Variants in MACROD1 observed in about 807,000 individuals in gnomAD.
The protein encoded by MACROD1 is ADP-ribose glycohydrolase MACROD1.
In MACROD1, 31 loss-of-function variants were observed where a neutral mutation model predicts 41.4. The ratio of observed to expected loss-of-function variants is 0.75; its 90% CI spans 0.56 to 1.01. The LOEUF (loss-of-function observed/expected upper bound fraction) is 1.01, where lower values mean the gene tolerates loss of function less well. MACROD1 is among the 50% of genes least tolerant of loss of function. The pLI is 0.00. For missense variants in MACROD1, 473 were observed against 460.0 expected, an observed-to-expected ratio of 1.03 and a Z score of -0.26; for synonymous variants, 252 against 203.4, an observed-to-expected ratio of 1.24 and a Z score of -2.03.
intron 3 of MACROD1, among the ~76,000 whole-genome samples, chr11:64,114,432 A>ATGG (rs1944933488): frequency 8.9e-6 from 1 of 112,222 alleles, no homozygotes; most frequent in African/African-American, 3.0e-5. Flanking sequence ...GGGATGGTTG[A>ATGG]ATGGATGGAT....
At chr11:64,100,512 G>A (rs1388393591) in intron 3 of MACROD1, among the ~76,000 whole-genome samples, 3 of 152,212 alleles carry the variant, frequency 2.0e-5, no homozygotes, top group East Asian at 1.9e-4. Context: ...AACTTCACAC[G>A]GCATGGTCTC....
Position 64,082,195 on chromosome 11 carries a change from C to T in MACROD1, c.518-66914G>A, listed in dbSNP as rs375053402. ...AGCAGGCCAGAGCCAGGAGCAGGCGCGAAACATCCCTTAAATATTGGTGCT... is the reference window on the plus strand; with the variant it reads ...AGCAGGCCAGAGCCAGGAGCAGGCGTGAAACATCCCTTAAATATTGGTGCT... On this transcript the variant is annotated intron_variant, in intron 3 of 10. Coordinates refer to ENST00000255681, the MANE Select transcript of MACROD1 (RefSeq NM_014067.4). The surrounding 1 kb of genome is among the most constrained non-coding windows in gnomAD (Gnocchi z 4.5). 6.6e-6 allele frequency among the ~76,000 whole-genome samples: 1 copy of T among 152,028 alleles called. No individual in the cohort carries two copies. The highest frequency in any genetic ancestry group is 1.5e-5 in the Non-Finnish European group (1 of 68,000).
intron 1 of MACROD1, among the ~76,000 whole-genome samples, chr11:64,160,755 G>A (rs903754288): frequency 6.6e-6 from 1 of 150,880 alleles, no homozygotes; most frequent in Non-Finnish European, 1.5e-5. Context: ...GTTGGAGGCT[G>A]CAGTGAGCTG....
Position 64,154,745 on chromosome 11 carries a change from G to A in MACROD1, c.299-2352C>T, listed in dbSNP as rs188010869. Among the ~76,000 whole-genome samples, 47 of 152,076 alleles carry A rather than the reference G, an allele frequency of 3.1e-4. No individual in the cohort carries two copies. The East Asian group carries it at 8.9e-3, about 29-fold the overall frequency. ...TATTCTTTTATTTTTTTTTGAGACG[G>A]AGTCTCACTCTGTCGCCCAGGCTGG... On this transcript the variant is annotated intron_variant, in intron 1 of 10. Coordinates refer to ENST00000255681, the MANE Select transcript of MACROD1 (RefSeq NM_014067.4).
At chr11:64,030,613 A>G (rs1182271894) in intron 3 of MACROD1, among the ~76,000 whole-genome samples, 2 of 152,244 alleles carry the variant, frequency 1.3e-5, no homozygotes, top group Non-Finnish European at 2.9e-5. Context: ...AGAAAAAATC[A>G]GCCACACCCG....
intron 1 of MACROD1, among the ~76,000 whole-genome samples, chr11:64,153,390 G>A (rs1423915500): frequency 1.3e-5 from 2 of 152,222 alleles, no homozygotes; most frequent in Non-Finnish European, 2.9e-5. Flanking sequence ...AATATGTAGA[G>A]GCGGGAGAGC....
At chr11:64,086,507 T>C (rs1944397795) in intron 3 of MACROD1, among the ~76,000 whole-genome samples, 1 of 151,976 alleles carries the variant, frequency 6.6e-6, no homozygotes, top group Non-Finnish European at 1.5e-5. Context: ...TGAGGTCCCC[T>C]AGCTGACCGC....
At chr11:64,027,439 G>A (rs1267164336) in intron 3 of MACROD1, among the ~76,000 whole-genome samples, 2 of 152,198 alleles carry the variant, frequency 1.3e-5, no homozygotes, top group Admixed American at 6.5e-5. Context: ...GCATGATTGA[G>A]CCCATGGGAC....
intron 3 of MACROD1, among the ~76,000 whole-genome samples, chr11:64,035,489 C>A (rs1318952064): frequency 6.6e-6 from 1 of 152,120 alleles, no homozygotes; most frequent in South Asian, 2.1e-4. Flanking sequence ...GAGCTAGAAC[C>A]CCTTTCTCCC....
chr11:64,116,008 C>G (rs1015354397), intron 3 of MACROD1, among the ~76,000 whole-genome samples: 5 of 152,192 alleles, frequency 3.3e-5, no homozygotes, highest in Non-Finnish European at 7.3e-5. Context: ...TAACATTAGC[C>G]AGATGTTGTT....
chr11:64,157,642 C>A (rs548517950), intron 1 of MACROD1, among the ~76,000 whole-genome samples: 1 of 152,138 alleles, frequency 6.6e-6, no homozygotes, highest in South Asian at 2.1e-4. Context: ...GCACGAAAGC[C>A]AAGCAGGAGG....
At chr11:64,041,563 G>A (rs928810564) in intron 3 of MACROD1, among the ~76,000 whole-genome samples, 5 of 152,040 alleles carry the variant, frequency 3.3e-5, no homozygotes, top group South Asian at 2.1e-4. Context: ...GTGGGGCTTC[G>A]TGTAGGGCAG....
intron 1 of MACROD1, among the ~76,000 whole-genome samples, chr11:64,158,241 C>T (rs1410324362): frequency 6.6e-6 from 1 of 152,114 alleles, no homozygotes; most frequent in African/African-American, 2.4e-5. Flanking sequence ...TGTGCATGCT[C>T]AGGGCCCCAG....
intron 3 of MACROD1, among the ~76,000 whole-genome samples, chr11:64,051,018 AG>A (rs1338196531): frequency 6.6e-6 from 1 of 152,200 alleles, no homozygotes; most frequent in South Asian, 2.1e-4. Flanking sequence ...AGCCTTGCCC[AG>A]GGGGACAGCC....
At chr11:64,143,696 A>T (rs1945445582) in intron 3 of MACROD1, among the ~76,000 whole-genome samples, 1 of 151,012 alleles carries the variant, frequency 6.6e-6, no homozygotes, top group African/African-American at 2.4e-5. Context: ...AAATTCATCA[A>T]CCAAAAAAAA....
At chr11:64,153,239 G>A (rs1945612127) in intron 1 of MACROD1, among the ~76,000 whole-genome samples, 1 of 152,190 alleles carries the variant, frequency 6.6e-6, no homozygotes, top group Non-Finnish European at 1.5e-5. Context: ...CAGCTCACGG[G>A]CTCCCCCTGC....
intron 3 of MACROD1, among the ~76,000 whole-genome samples, chr11:64,072,123 C>T (rs368896003): frequency 1.5e-4 from 23 of 152,236 alleles, no homozygotes; most frequent in Admixed American, 8.5e-4. Context: ...GGGCCTGCCC[C>T]GGCTGGCAGC....
intron 3 of MACROD1, among the ~76,000 whole-genome samples, chr11:64,100,407 T>C (rs1944650931): frequency 6.6e-6 from 1 of 152,186 alleles, no homozygotes; most frequent in Admixed American, 6.5e-5. Context: ...GCTTTTATGA[T>C]GTTGACTCAA....
intron 3 of MACROD1, chr11:64,081,915 C>A (rs1404276810): frequency 6.6e-6 from 1 of 152,200 alleles, no homozygotes; most frequent in Admixed American, 6.5e-5. Context: ...CTGCAGCCCT[C>A]TGGACTCCCG....
Sources: allele counts gnomAD v4.1 joint callset (sites outside exome capture counted in the v4.1 genomes callset), GRCh38; gene constraint gnomAD v4.1.1; non-coding constraint Gnocchi (gnomAD v3.1); transcripts MANE v1.5; gene names NCBI Gene and HGNC (gene_info 2026-07-23, HGNC 2026-07-21).